The following TSKS variants were observed in gnomAD, a reference collection of about 807,000 sequenced individuals.
The protein encoded by TSKS is testis-specific serine kinase substrate.
In TSKS, 27 loss-of-function variants were observed where a neutral mutation model predicts 68.0. The observed-to-expected ratio is 0.40, with a 90% CI of 0.29 to 0.55. TSKS has a LOEUF of 0.55. Among genes scored for constraint, TSKS ranks in the 20% least tolerant of loss-of-function variants. The pLI, the probability that TSKS is intolerant of heterozygous loss-of-function variation, is 0.53. For synonymous variants in TSKS, 331 were observed against 340.4 expected (o/e 0.97, Z 0.30); for missense variants, 806 against 776.0 (o/e 1.04, Z -0.46).
Position 49,745,370 on chromosome 19 carries a change from C to T in TSKS, c.1019G>A (p.Arg340Gln), listed in dbSNP as rs769453111. ...LRREVSSLTA[R>Q]WHQEEGAVQE... ...CACCGCCCCCTCCTCCTGATGCCACCGGGCGGTCAGTGAGGACACCTCTCT... is the reference window on the plus strand; with the variant it reads ...CACCGCCCCCTCCTCCTGATGCCACTGGGCGGTCAGTGAGGACACCTCTCT... Residue 340 changes from arginine (R) to glutamine (Q), a missense_variant, in exon 7 of 11, where the codon CGG (arginine) becomes CAG (glutamine). Coordinates refer to ENST00000246801, the MANE Select transcript of TSKS (RefSeq NM_021733.2). 1.8e-5 allele frequency: 28 copies of T among 1,581,482 alleles called. No individual in the cohort carries two copies. The highest frequency in any genetic ancestry group is 4.5e-5 in the South Asian group (4 of 88,416).
chr19:49,747,355 C>T, intron 5 of TSKS, 34 bp downstream of exon 5: 1 of 1,614,038 alleles, frequency 6.2e-7, no homozygotes, highest in South Asian at 1.1e-5. Context: ...CTGACCTCCT[C>T]CCACAAATCC....
In TSKS at chr19:49,741,997, T is replaced by C. The variant is rs1285782187; in HGVS notation, c.1385A>G (p.Glu462Gly). ...TCGGTCCAGCAGCTGCTGCAGGGAC[T>C]CCGTAGACAACTGCGACCCCTGGCT... ...CASQGSQLST[E>G]SLQQLLDRAL... The change falls in exon 9 of 11, where the codon GAG becomes GGG. Residue 462 changes from glutamate to glycine, a missense_variant. Glu to Gly is a moderately conservative substitution (Grantham distance 98). Transcript: ENST00000246801. 3 of 1,613,942 alleles carry C rather than the reference T, an allele frequency of 1.9e-6. No homozygotes were observed. The African/African-American group carries it at 4.0e-5, about 22-fold the overall frequency.
intron 1 of TSKS, among the ~76,000 whole-genome samples, chr19:49,762,729 CACT>C (rs1272039977): frequency 1.3e-5 from 2 of 151,508 alleles, no homozygotes; most frequent in African/African-American, 4.8e-5. Flanking sequence ...GCCCGACCAC[CACT>C]GTCTACTTTC....
chr19:49,749,050 G>A (rs1049452291), intron 2 of TSKS, among the ~76,000 whole-genome samples: 2 of 151,944 alleles, frequency 1.3e-5, no homozygotes, highest in Admixed American at 6.6e-5. Context: ...GCGACAGAGC[G>A]AGTCTCCGTC....
At chr19:49,746,429 C>A in intron 6 of TSKS, 41 bp downstream of exon 6, 2 of 1,610,068 alleles carry the variant, frequency 1.2e-6, no homozygotes, top group Non-Finnish European at 1.7e-6. Context: ...TGAGTCCCCG[C>A]CGATCTCGTT....
chr19:49,753,561 C>CAATAATAGTAAT (rs112606049), intron 2 of TSKS, among the ~76,000 whole-genome samples: 1 of 136,186 alleles, frequency 7.3e-6, no homozygotes, highest in African/African-American at 2.8e-5. Flanking sequence ...GACTCCATCT[C>CAATAATAGTAAT]AATAATAATA....
intron 2 of TSKS, among the ~76,000 whole-genome samples, chr19:49,752,144 G>A (rs1014364452): frequency 1.3e-5 from 2 of 152,142 alleles, no homozygotes; most frequent in African/African-American, 4.8e-5. Context: ...AGCACTCTGG[G>A]AGGCCAAGGT....
intron 8 of TSKS, among the ~76,000 whole-genome samples, chr19:49,743,342 T>C (rs2084267868): frequency 6.6e-6 from 1 of 152,006 alleles, no homozygotes; most frequent in Non-Finnish European, 1.5e-5. Flanking sequence ...CCTCCCAAAG[T>C]GCTGGGATAA....
At chr19:49,754,083 A>G (rs1250662225) in intron 2 of TSKS, among the ~76,000 whole-genome samples, 1 of 150,798 alleles carries the variant, frequency 6.6e-6, no homozygotes, top group South Asian at 2.1e-4. Flanking sequence ...TGGGGGTTTC[A>G]CCATATTGGT....
At chr19:49,760,472 C>T (rs1293154350) in intron 2 of TSKS, among the ~76,000 whole-genome samples, 2 of 151,858 alleles carry the variant, frequency 1.3e-5, no homozygotes, top group East Asian at 1.9e-4. Flanking sequence ...AGGCGCCCAC[C>T]ACCACAGGCA....
At chr19:49,756,909 A>C (rs901749421) in intron 2 of TSKS, among the ~76,000 whole-genome samples, 2 of 151,968 alleles carry the variant, frequency 1.3e-5, no homozygotes, top group African/African-American at 4.8e-5. Flanking sequence ...AAAATACAAA[A>C]ATTAGCTGGG....
At chr19:49,746,952 G>A (rs1316849398) in intron 5 of TSKS, among the ~76,000 whole-genome samples, 154 bp from the exon 6 acceptor site, 9 of 152,188 alleles carry the variant, frequency 5.9e-5, no homozygotes, top group African/African-American at 2.2e-4. Context: ...CATTAGGGAG[G>A]GGAGGCACCA....
At chr19:49,742,784 A>T (rs568182907) in intron 8 of TSKS, among the ~76,000 whole-genome samples, 1 of 152,280 alleles carries the variant, frequency 6.6e-6, no homozygotes, top group Non-Finnish European at 1.5e-5. Flanking sequence ...GGCGTAAGCC[A>T]CCACGCCCAG....
Position 49,746,580 on chromosome 19 carries a change from C to A in TSKS, c.882G>T (p.Arg294=). 1 of 1,612,618 alleles carries A rather than the reference C, an allele frequency of 6.2e-7. No homozygotes were observed. Among genetic ancestry groups the A allele is most frequent in the Non-Finnish European group, 8.5e-7 (1 of 1,179,480 alleles). ...AGCCTGCGGGGACCAGGCCGTGTGG[C>A]CGCGAGGGTTTGTCGGGACTCCCTG... ...GPPGSPDKPS[R]PHGLVPAGWG... The change falls in exon 6 of 11, where the codon CGG becomes CGT. Residue 294 remains arginine (R), a synonymous_variant. Coordinates refer to ENST00000246801, the MANE Select transcript of TSKS (RefSeq NM_021733.2).
At position 49,745,267 on chromosome 19, in the gene TSKS, G is replaced by A. The variant is rs542983208; in HGVS notation, c.1122C>T (p.Arg374=). 1.4e-5 allele frequency: 22 copies of A among 1,607,810 alleles called. No homozygotes were observed. Among genetic ancestry groups the A allele is most frequent in the Admixed American group, 5.0e-5 (3 of 59,936 alleles). The change falls in exon 7 of 11, where the codon CGC becomes CGT. Residue 374 remains arginine (R), a synonymous_variant. Coordinates refer to ENST00000246801, the MANE Select transcript of TSKS (RefSeq NM_021733.2). ...GFLGQWERAQ[R]EQAQTARDLQ... Reference sequence around the variant, plus strand: ...AGTCCCGCGCCGTCTGTGCCTGTTCGCGCTGTGCCCGCTCCCACTGGCCTA... The same window carrying A: ...AGTCCCGCGCCGTCTGTGCCTGTTCACGCTGTGCCCGCTCCCACTGGCCTA...
intron 2 of TSKS, among the ~76,000 whole-genome samples, chr19:49,750,213 G>GT (rs1053043318): frequency 8.1e-5 from 12 of 148,688 alleles, no homozygotes; most frequent in African/African-American, 2.5e-4. Context: ...GTTATTTTGT[G>GT]TTTTTTTGTT....
At chr19:49,744,515 TC>T in intron 7 of TSKS, 111 bp from the exon 8 acceptor site, 1 of 1,105,378 alleles carries the variant, frequency 9.0e-7, no homozygotes, top group Non-Finnish European at 1.3e-6. Flanking sequence ...TCAGCAATTC[TC>T]CACCCTGCCC....
intron 2 of TSKS, among the ~76,000 whole-genome samples, chr19:49,755,715 C>G (rs1217091804): frequency 6.6e-6 from 1 of 151,926 alleles, no homozygotes; most frequent in Non-Finnish European, 1.5e-5. Context: ...ATAAAATGGG[C>G]CAGGTGGCTG....
intron 6 of TSKS, among the ~76,000 whole-genome samples, chr19:49,746,164 C>T (rs538841848): frequency 6.6e-6 from 1 of 152,044 alleles, no homozygotes; most frequent in Admixed American, 6.5e-5. Context: ...GCCTGGGCGA[C>T]AAGCGAGACT....
Sources: allele counts gnomAD v4.1 joint callset (sites outside exome capture counted in the v4.1 genomes callset), GRCh38; gene constraint gnomAD v4.1.1; transcripts MANE v1.5; gene names NCBI Gene and HGNC (gene_info 2026-07-23, HGNC 2026-07-21).